Variants in CSMD1 observed in about 807,000 individuals in gnomAD.
CSMD1 encodes the protein CUB and sushi domain-containing protein 1.
In CSMD1, 213 loss-of-function variants were observed where a neutral mutation model predicts 417.5. The ratio of observed to expected loss-of-function variants is 0.51; its 90% CI spans 0.46 to 0.57. The LOEUF (loss-of-function observed/expected upper bound fraction) is 0.57. Among genes scored for constraint, CSMD1 ranks in the 20% least tolerant of loss-of-function variants. The pLI, the probability that CSMD1 is intolerant of heterozygous loss-of-function variation, is 0.00. For missense variants in CSMD1, 6,923 were observed against 4,529.7 expected (o/e 1.53, Z -15.17); for synonymous variants, 2,862 against 1,736.8 (o/e 1.65, Z -16.11).
At chr8:4,656,681 C>G (rs1224058359) in intron 1 of CSMD1, among the ~76,000 whole-genome samples, 3 of 152,170 alleles carry the variant, frequency 2.0e-5, no homozygotes, top group Non-Finnish European at 4.4e-5. Flanking sequence ...CCGAATACAA[C>G]TGCCCAGTTA....
chr8:4,803,294 A>G (rs1330589459), intron 1 of CSMD1, among the ~76,000 whole-genome samples: 1 of 152,222 alleles, frequency 6.6e-6, no homozygotes, highest in Non-Finnish European at 1.5e-5. Flanking sequence ...CGATAAAGCA[A>G]TTCCCTTTAG....
At chr8:3,546,827 A>T (rs754986370) in intron 10 of CSMD1, among the ~76,000 whole-genome samples, 3 of 152,188 alleles carry the variant, frequency 2.0e-5, no homozygotes, top group Non-Finnish European at 4.4e-5. Context: ...ACTTCCAGTG[A>T]TGTTATTACT....
intron 1 of CSMD1, among the ~76,000 whole-genome samples, chr8:4,970,196 G>A (rs976554769): frequency 6.6e-6 from 1 of 151,902 alleles, no homozygotes; most frequent in Non-Finnish European, 1.5e-5. Context: ...CTTGACTTCA[G>A]ACTCGAATCT....
intron 17 of CSMD1, among the ~76,000 whole-genome samples, chr8:3,390,397 G>C (rs1811280684): frequency 6.9e-6 from 1 of 145,896 alleles, no homozygotes; most frequent in South Asian, 2.2e-4. Flanking sequence ...TGTAGCAGGT[G>C]ATTTATCTCC....
intron 3 of CSMD1, among the ~76,000 whole-genome samples, chr8:4,157,058 C>G (rs949862220): frequency 1.3e-5 from 2 of 152,126 alleles, no homozygotes; most frequent in African/African-American, 4.8e-5. Context: ...GCCTGTAGAC[C>G]AGAACAGGGA....
rs181556000 is a variant in CSMD1 at position 4,382,486 on chromosome 8, C to T, written c.415+37467G>A. 3.1e-3 allele frequency among the ~76,000 whole-genome samples: 476 copies of T among 152,048 alleles called. 1 individual carries two copies. The highest frequency in any genetic ancestry group is 0.011 in the African/African-American group (451 of 41,350). Reference sequence around the variant, plus strand: ...TAGACCATTAACTCTACATTCCAACCACCTAAACTCTCTGTTCACCGCTCT... The same window carrying T: ...TAGACCATTAACTCTACATTCCAACTACCTAAACTCTCTGTTCACCGCTCT... On this transcript the variant is annotated intron_variant, in intron 3 of 69. Coordinates refer to ENST00000635120, the MANE Select transcript of CSMD1 (RefSeq NM_033225.6).
At chr8:3,349,348 C>T (rs1808237025) in intron 21 of CSMD1, among the ~76,000 whole-genome samples, 1 of 152,180 alleles carries the variant, frequency 6.6e-6, no homozygotes, top group Admixed American at 6.5e-5. Flanking sequence ...TCCTAATCCA[C>T]TTGCCAGCAG....
intron 69 of CSMD1, 79 bp from the exon 70 acceptor site, chr8:2,938,823 A>G: frequency 7.7e-7 from 1 of 1,304,786 alleles, no homozygotes; most frequent in Non-Finnish European, 1.1e-6. Context: ...TGCAGGAGAC[A>G]ACGTCTACAG....
intron 3 of CSMD1, among the ~76,000 whole-genome samples, chr8:4,048,008 G>T (rs921553296): frequency 6.6e-6 from 1 of 152,142 alleles, no homozygotes; most frequent in Non-Finnish European, 1.5e-5. Context: ...GTCTTTGTAT[G>T]AGAGATCAAA....
chr8:4,188,853 G>A (rs766798151), intron 3 of CSMD1, among the ~76,000 whole-genome samples: 38 of 151,896 alleles, frequency 2.5e-4, no homozygotes, highest in Non-Finnish European at 4.9e-4. Flanking sequence ...AAAACGAAAT[G>A]TTTCTGCATT....
At chr8:4,109,572 G>C (rs1801745176) in intron 3 of CSMD1, among the ~76,000 whole-genome samples, 1 of 152,136 alleles carries the variant, frequency 6.6e-6, no homozygotes. Flanking sequence ...CCCAGTCAAT[G>C]TCTGGAACTA....
At chr8:3,141,069 G>A (rs529023393) in intron 41 of CSMD1, among the ~76,000 whole-genome samples, 1 of 152,306 alleles carries the variant, frequency 6.6e-6, no homozygotes, top group East Asian at 1.9e-4. Flanking sequence ...GACTCTCTGT[G>A]TCCTGAAGGG....
chr8:3,558,768 T>C (rs1224337447), intron 10 of CSMD1, among the ~76,000 whole-genome samples: 11 of 150,276 alleles, frequency 7.3e-5, no homozygotes, highest in East Asian at 6.1e-4. Context: ...GCCTCAATAG[T>C]ACCCCGCGTC....
intron 3 of CSMD1, among the ~76,000 whole-genome samples, chr8:4,118,846 T>A (rs1305401275): frequency 6.6e-6 from 1 of 152,186 alleles, no homozygotes; most frequent in Non-Finnish European, 1.5e-5. Context: ...CCAACCCAAA[T>A]GCTCAACAAT....
intron 5 of CSMD1, among the ~76,000 whole-genome samples, chr8:3,983,276 G>T (rs1027519851): frequency 6.6e-6 from 1 of 151,784 alleles, no homozygotes; most frequent in Non-Finnish European, 1.5e-5. Flanking sequence ...GACTACAGGC[G>T]CCCACCACCA....
At chr8:4,855,468 G>A (rs1409078100) in intron 1 of CSMD1, among the ~76,000 whole-genome samples, 2 of 152,136 alleles carry the variant, frequency 1.3e-5, no homozygotes, top group Non-Finnish European at 2.9e-5. Context: ...ATTACTCTCA[G>A]CTACGGGAGG....
At chr8:3,007,264 T>C (rs1366473347) in intron 52 of CSMD1, among the ~76,000 whole-genome samples, 3 of 151,244 alleles carry the variant, frequency 2.0e-5, no homozygotes, top group African/African-American at 7.4e-5. Flanking sequence ...CATTAAAAAG[T>C]CAGGAAACAA....
chr8:3,199,625 T>C, intron 33 of CSMD1, 89 bp downstream of exon 33: 1 of 620,130 alleles, frequency 1.6e-6, no homozygotes, highest in Non-Finnish European at 2.6e-6. Flanking sequence ...GCAGCTGAGA[T>C]GTTTTGAGTG....
In CSMD1 at chr8:4,714,196, C is replaced by G. The variant is rs372576158; in HGVS notation, c.86-76638G>C. Among the ~76,000 whole-genome samples the G allele has an allele frequency of 3.5e-4, 54 of 152,128 alleles. No homozygotes were observed. The East Asian group carries it at 6.4e-3, about 18-fold the overall frequency. ...TGTTCTGCACACCAACACCAAGCTC[C>G]ACGTCCACCGTGTTGACGCCTCCTC... On this transcript the variant is annotated intron_variant, in intron 1 of 69. Transcript: ENST00000635120.
Sources: allele counts gnomAD v4.1 joint callset (sites outside exome capture counted in the v4.1 genomes callset), GRCh38; gene constraint gnomAD v4.1.1; transcripts MANE v1.5; gene names NCBI Gene and HGNC (gene_info 2026-07-23, HGNC 2026-07-21).